The following KDM5B variants were observed in gnomAD, a reference collection of about 807,000 sequenced individuals.
KDM5B encodes the protein lysine demethylase 5B, also known as lysine-specific demethylase 5B.
Under a neutral mutation model 193.4 loss-of-function variants are expected in KDM5B, and 144 were observed. The observed-to-expected ratio is 0.74, with a 90% CI of 0.65 to 0.86. The LOEUF (loss-of-function observed/expected upper bound fraction) is 0.86. KDM5B is among the 40% of genes least tolerant of loss of function. The pLI, the probability that KDM5B is intolerant of heterozygous loss-of-function variation, is 0.00. For synonymous variants in KDM5B, 668 were observed against 682.6 expected (o/e 0.98, Z 0.33); for missense variants, 1,833 against 1,886.9 (o/e 0.97, Z 0.53).
chr1:202,790,819 C>A (rs1220688135), intron 1 of KDM5B, among the ~76,000 whole-genome samples: 1 of 152,110 alleles, frequency 6.6e-6, no homozygotes, highest in Non-Finnish European at 1.5e-5. Context: ...GCATTCAAGG[C>A]ACCATCTTGA....
Position 202,735,535 on chromosome 1 carries a change from C to A in KDM5B, c.3317G>T (p.Arg1106Ile). The A allele has an allele frequency of 1.2e-6, 2 of 1,614,058 alleles. No individual in the cohort carries two copies. The highest frequency in any genetic ancestry group is 1.7e-6 in the Non-Finnish European group (2 of 1,179,948). Residue 1106 changes from arginine (R) to isoleucine (I), a missense_variant, in exon 22 of 27, where the codon AGA (arginine) becomes ATA (isoleucine). Physicochemically the swap from Arg to Ile is moderately conservative, Grantham distance 97 (BLOSUM62 -3). Coordinates refer to ENST00000367265, the MANE Select transcript of KDM5B (RefSeq NM_006618.5). Reference sequence around the variant, plus strand: ...ATTTGGCAAGGGCTCCTTTAACTTTCTCTGCTTCCTTTTCAATCCCAAAAG... The same window carrying A: ...ATTTGGCAAGGGCTCCTTTAACTTTATCTGCTTCCTTTTCAATCCCAAAAG... ...IGLLGLKRKQRKLKEPLPNGK... is the reference protein window; with the variant it reads ...IGLLGLKRKQIKLKEPLPNGK...
intron 1 of KDM5B, 104 bp downstream of exon 1, chr1:202,807,998 G>A: frequency 8.3e-7 from 1 of 1,200,952 alleles, no homozygotes; most frequent in Non-Finnish European, 1.1e-6. Context: ...AGGCCGGCGG[G>A]GCGACCGGCT....
chr1:202,755,549 G>T (rs932931240), intron 10 of KDM5B, 97 bp from the exon 11 acceptor site: 2 of 1,005,536 alleles, frequency 2.0e-6, no homozygotes, highest in African/African-American at 3.2e-5. Context: ...AATAAAAAAA[G>T]AAATGTGGAA....
chr1:202,803,678 C>A (rs1177891093), intron 1 of KDM5B, among the ~76,000 whole-genome samples: 1 of 151,940 alleles, frequency 6.6e-6, no homozygotes, highest in African/African-American at 2.4e-5. Flanking sequence ...ACAAAGTTAG[C>A]CGGGCGTGGC....
At chr1:202,789,879 G>T (rs1158101051) in intron 1 of KDM5B, among the ~76,000 whole-genome samples, 1 of 152,014 alleles carries the variant, frequency 6.6e-6, no homozygotes, top group Non-Finnish European at 1.5e-5. Context: ...AGTGAGCTAT[G>T]GTGGCGCTGC....
At chr1:202,797,601 A>G (rs1306589039) in intron 1 of KDM5B, among the ~76,000 whole-genome samples, 1 of 152,218 alleles carries the variant, frequency 6.6e-6, no homozygotes, top group Non-Finnish European at 1.5e-5. Context: ...TACAAGTAGG[A>G]TAATTGCAAA....
Position 202,773,189 on chromosome 1 carries a change from A to G in KDM5B, c.505T>C (p.Ser169Pro). 1 of 1,613,596 alleles carries G rather than the reference A, an allele frequency of 6.2e-7. No homozygotes were observed. Among genetic ancestry groups the G allele is most frequent in the Non-Finnish European group, 8.5e-7 (1 of 1,179,502 alleles). ...MGFAPGKAVG[S>P]HIRGHYERIL... The stretch of plus-strand genomic sequence containing the variant: ...CGTTCATAATGCCCTCTGATATGTG[A>G]GCCCACTGCTTTGCCAGGAGCAAAC... Residue 169 changes from serine to proline, a missense_variant, in exon 4 of 27, where the codon TCA (serine) becomes CCA (proline). Around this residue, in one of 3 missense-constraint regions of KDM5B, gnomAD observed 355 missense variants for 374.9 expected, o/e 0.95. Coordinates refer to ENST00000367265, the MANE Select transcript of KDM5B (RefSeq NM_006618.5).
At position 202,795,165 on chromosome 1, in the gene KDM5B, GAC is replaced by G. The variant is rs372890094; in HGVS notation, c.204+12935_204+12936del. Among the ~76,000 whole-genome samples, 25 of 152,068 alleles carry G rather than the reference GAC, an allele frequency of 1.6e-4. No individual in the cohort carries two copies. In the South Asian group the frequency reaches 5.2e-3, roughly 32 times the overall value. On this transcript the variant is annotated intron_variant, in intron 1 of 26. Coordinates refer to ENST00000367265, the MANE Select transcript of KDM5B (RefSeq NM_006618.5). ...GGAGGCAGAGATTGCAGTGAGCCGA[GAC>G]ACACTACTGCACTCCAGCCTGGGGG...
Position 202,735,468 on chromosome 1 carries a change from C to A in KDM5B, c.3384G>T (p.Leu1128=). ...CCTTGCTTTCAGTTAAAGCTCTCTC[C>A]AGGTCACTCAGACTCTCTAATTTGG... ...KSTKLESLSD[L]ERALTESKET... is the part of the protein sequence containing the mutation. Residue 1128 remains leucine, a synonymous_variant, in exon 22 of 27, where the codon CTG becomes CTT. Coordinates refer to ENST00000367265, the MANE Select transcript of KDM5B (RefSeq NM_006618.5). 6.2e-7 allele frequency: 1 copy of A among 1,614,082 alleles called. No individual in the cohort carries two copies. The highest frequency in any genetic ancestry group is 8.5e-7 in the Non-Finnish European group (1 of 1,179,972).
In KDM5B at chr1:202,783,818, TTG is replaced by T. The variant is rs1232227777; in HGVS notation, c.205-6726_205-6725del. Among the ~76,000 whole-genome samples the T allele has an allele frequency of 2.0e-5, 3 of 152,050 alleles. No homozygotes were observed. The East Asian group carries it at 5.8e-4, about 29-fold the overall frequency. On this transcript the variant is annotated intron_variant, in intron 1 of 26. Coordinates refer to ENST00000367265, the MANE Select transcript of KDM5B (RefSeq NM_006618.5). Reference sequence around the variant, plus strand: ...ATGGTGTGAACCCGGGAGGCGGAGCTTGCAGTGAGCCAAGATCACACCACTGC... The same window carrying T: ...ATGGTGTGAACCCGGGAGGCGGAGCTCAGTGAGCCAAGATCACACCACTGC...
In KDM5B at chr1:202,729,854, C is replaced by G; in HGVS notation, c.4350G>C (p.Lys1450Asn). ...LSHPKDMNNF[K>N]LERERSYELV... ...ATTCATAGCTACGCTCTCTCTCTAA[C>G]TTGAAATTGTTCATGTCCTTGGGGT... Residue 1450 changes from lysine (K) to asparagine (N), a missense_variant, in exon 26 of 27, where the codon AAG becomes AAC. This residue lies in a region of KDM5B where 1,379 missense variants were observed against 1,349.6 expected (regional missense o/e 1.02). Coordinates refer to ENST00000367265, the MANE Select transcript of KDM5B (RefSeq NM_006618.5). The G allele has an allele frequency of 1.2e-6, 2 of 1,614,204 alleles. No individual in the cohort carries two copies. Among genetic ancestry groups the G allele is most frequent in the Non-Finnish European group, 1.7e-6 (2 of 1,180,018 alleles).
intron 1 of KDM5B, among the ~76,000 whole-genome samples, chr1:202,789,809 T>C (rs945153877): frequency 3.3e-5 from 5 of 151,888 alleles, no homozygotes; most frequent in African/African-American, 1.2e-4. Context: ...ATACCATCTC[T>C]ACAAAATGTT....
Position 202,733,794 on chromosome 1 carries a change from T to C in KDM5B, c.3516A>G (p.Gln1172=). Residue 1172 remains glutamine (Q), a synonymous_variant, in exon 23 of 27, where the codon CAA becomes CAG. Coordinates refer to ENST00000367265, the MANE Select transcript of KDM5B (RefSeq NM_006618.5). The part of the protein sequence containing the change: ...ANEGKLLSPL[Q]DVDIKICLCQ... Reference sequence around the variant, plus strand: ...ATAGGCAGATTTTTATATCCACATCTTGGAGAGGCGACAGCAATTTCCCTT... The same window carrying C: ...ATAGGCAGATTTTTATATCCACATCCTGGAGAGGCGACAGCAATTTCCCTT... 6.2e-7 allele frequency: 1 copy of C among 1,614,124 alleles called. No individual in the cohort carries two copies. Among genetic ancestry groups the C allele is most frequent in the South Asian group, 1.1e-5 (1 of 91,078 alleles).
chr1:202,773,421 A>T (rs1344061938), intron 3 of KDM5B, 133 bp from the exon 4 acceptor site: 7 of 626,752 alleles, frequency 1.1e-5, no homozygotes, highest in Non-Finnish European at 1.9e-5. Context: ...ATATATATAT[A>T]CACACACACA....
At chr1:202,740,222 G>A (rs865871475) in intron 20 of KDM5B, among the ~76,000 whole-genome samples, 2 of 149,330 alleles carry the variant, frequency 1.3e-5, no homozygotes, top group South Asian at 2.1e-4. Context: ...GCGGCTGGCC[G>A]GGTTGGGGGC....
intron 13 of KDM5B, 103 bp downstream of exon 13, chr1:202,750,556 T>C: frequency 7.9e-7 from 1 of 1,266,814 alleles, no homozygotes; most frequent in Non-Finnish European, 1.1e-6. Context: ...ATTATAGGCA[T>C]GAGCTACCGC....
chr1:202,771,110 G>C (rs1656693385), intron 4 of KDM5B, among the ~76,000 whole-genome samples: 1 of 152,168 alleles, frequency 6.6e-6, no homozygotes, highest in Non-Finnish European at 1.5e-5. Context: ...CCGTACTTAG[G>C]AAGAGTTCAA....
intron 20 of KDM5B, among the ~76,000 whole-genome samples, chr1:202,736,895 G>A (rs1191577268): frequency 6.6e-6 from 1 of 152,058 alleles, no homozygotes; most frequent in Non-Finnish European, 1.5e-5. Context: ...TCCCACCTTG[G>A]CCTCCCAAAG....
chr1:202,765,801 G>A (rs17444097), intron 5 of KDM5B, among the ~76,000 whole-genome samples: 2 of 151,886 alleles, frequency 1.3e-5, no homozygotes. Context: ...TACTGATTTA[G>A]TATGATTAAT....
Sources: allele counts gnomAD v4.1 joint callset (sites outside exome capture counted in the v4.1 genomes callset), GRCh38; gene constraint gnomAD v4.1.1; regional missense constraint gnomAD v4.1.1; transcripts MANE v1.5; gene names NCBI Gene and HGNC (gene_info 2026-07-23, HGNC 2026-07-21).